NLRP7: variants seen among roughly 807,000 people sequenced by gnomAD.
The protein encoded by NLRP7 is NLR family pyrin domain containing 7.
In NLRP7, 72 loss-of-function variants were observed where a neutral mutation model predicts 85.5. The ratio of observed to expected loss-of-function variants is 0.84; its 90% confidence interval spans 0.70 to 1.02. The LOEUF (loss-of-function observed/expected upper bound fraction) is 1.02, where lower values mean the gene tolerates loss of function less well. NLRP7 is among the 50% of genes least tolerant of loss of function. The pLI is 0.00. For synonymous variants in NLRP7, 550 were observed against 505.2 expected, an observed-to-expected ratio of 1.09 and a Z score of -1.19; for missense variants, 1,243 against 1,219.5, an observed-to-expected ratio of 1.02 and a Z score of -0.29.
intron 1 of NLRP7, among the ~76,000 whole-genome samples, chr19:54,946,814 G>GT (rs899947311): frequency 6.6e-6 from 1 of 151,740 alleles, no homozygotes; most frequent in Non-Finnish European, 1.5e-5. Flanking sequence ...TAATTTTTGT[G>GT]TTTTTAGTAG....
At chr19:54,944,452 T>C (rs1239324439) in intron 1 of NLRP7, among the ~76,000 whole-genome samples, 1 of 152,148 alleles carries the variant, frequency 6.6e-6, no homozygotes, top group Non-Finnish European at 1.5e-5. Context: ...CTCTCCCCAC[T>C]GTTACCCTAT....
At chr19:54,933,548 A>G in intron 8 of NLRP7, 21 bp downstream of exon 8, 1 of 1,613,638 alleles carries the variant, frequency 6.2e-7, no homozygotes, top group Non-Finnish European at 8.5e-7. Context: ...GCACACACAC[A>G]CACACCCAGC....
At chr19:54,945,681 C>T (rs1429244252) in intron 1 of NLRP7, among the ~76,000 whole-genome samples, 1 of 152,104 alleles carries the variant, frequency 6.6e-6, no homozygotes, top group Admixed American at 6.6e-5. Flanking sequence ...TCACTGCAAC[C>T]TCCACCTCCC....
At chr19:54,950,910 C>A (rs1024275002), upstream of NLRP7, among the ~76,000 whole-genome samples, 11 of 152,208 alleles carry the variant, frequency 7.2e-5, no homozygotes, top group African/African-American at 2.7e-4. Flanking sequence ...GGGAGAAACC[C>A]TGGACAATAC....
At chr19:54,962,141 C>T (rs201329131) in intron 1 of NLRP7, among the ~76,000 whole-genome samples, 1 of 130,598 alleles carries the variant, frequency 7.7e-6, no homozygotes, top group Non-Finnish European at 1.6e-5. Flanking sequence ...CCAGCCTGGG[C>T]GACAAGAGCA....
At chr19:54,951,368 G>A (rs1294446509), upstream of NLRP7, among the ~76,000 whole-genome samples, 1 of 151,982 alleles carries the variant, frequency 6.6e-6, no homozygotes, top group Non-Finnish European at 1.5e-5. Flanking sequence ...CCAGCATGGT[G>A]AAACTGCGTC....
At chr19:54,938,751 T>C (rs763529304) in intron 4 of NLRP7, 137 bp downstream of exon 4, 3 of 968,048 alleles carry the variant, frequency 3.1e-6, no homozygotes, top group Non-Finnish European at 4.8e-6. Flanking sequence ...CAATTCCTAA[T>C]TGCCAAGTCG....
chr19:54,955,971 A>G (rs1332205563), intron 1 of NLRP7, among the ~76,000 whole-genome samples: 3 of 135,416 alleles, frequency 2.2e-5, no homozygotes, highest in Admixed American at 2.1e-4. Context: ...TGTCTCAAAA[A>G]TAAATAAATA....
intron 8 of NLRP7, among the ~76,000 whole-genome samples, chr19:54,932,393 A>G (rs1370539546): frequency 6.6e-6 from 1 of 150,732 alleles, no homozygotes; most frequent in Admixed American, 6.7e-5. Context: ...ACACCACTGC[A>G]TTCCAGTCTG....
intron 1 of NLRP7, among the ~76,000 whole-genome samples, chr19:54,958,269 G>A (rs931911299): frequency 3.3e-5 from 5 of 151,390 alleles, no homozygotes; most frequent in Non-Finnish European, 5.9e-5. Flanking sequence ...TTGACACTTA[G>A]GAGAAGTAGG....
intron 9 of NLRP7, among the ~76,000 whole-genome samples, chr19:54,924,114 T>G (rs998182555): frequency 1.3e-5 from 2 of 152,130 alleles, no homozygotes; most frequent in Non-Finnish European, 2.9e-5. Flanking sequence ...ATTACAGGTG[T>G]GCACCACCAC....
intron 2 of NLRP7, 75 bp downstream of exon 2, chr19:54,941,360 C>G: frequency 9.4e-7 from 1 of 1,065,936 alleles, no homozygotes; most frequent in Non-Finnish European, 1.4e-6. Flanking sequence ...CCAGCCTGGG[C>G]GACAGAACGA....
exon 4 of NLRP7, chr19:54,940,167 T>C (rs1449691485): frequency 6.2e-7 from 1 of 1,614,172 alleles, no homozygotes; most frequent in Admixed American, 1.7e-5. Context: ...CAGGGGCCCA[T>C]GCGGCTGAGC....
At chr19:54,923,983 T>G (rs1450717478) in intron 9 of NLRP7, 111 bp from the exon 11 acceptor site, 1 of 1,217,970 alleles carries the variant, frequency 8.2e-7, no homozygotes, top group Non-Finnish European at 1.2e-6. Context: ...TGGGATTTTC[T>G]GGGGGACAGG....
At chr19:54,960,997 A>G (rs970601942) in intron 1 of NLRP7, among the ~76,000 whole-genome samples, 2 of 152,106 alleles carry the variant, frequency 1.3e-5, no homozygotes, top group Non-Finnish European at 2.9e-5. Context: ...TAAAAATGCT[A>G]GAACTGAGTG....
upstream of NLRP7, among the ~76,000 whole-genome samples, chr19:54,950,628 C>T (rs138613439): frequency 7.7e-4 from 117 of 152,204 alleles, no homozygotes; most frequent in African/African-American, 2.8e-3. Flanking sequence ...CAATGCCTTA[C>T]GGAGCAGTAT....
Position 54,929,485 on chromosome 19 carries a change from G to C in NLRP7, c.2810+1014C>G, listed in dbSNP as rs934036312. 3.0e-4 allele frequency among the ~76,000 whole-genome samples: 45 copies of C among 152,156 alleles called. 1 individual carries two copies. The highest frequency in any genetic ancestry group is 9.9e-4 in the African/African-American group (41 of 41,436). On this transcript the variant is annotated intron_variant, in intron 9 of 9. Coordinates refer to ENST00000340844, the Ensembl canonical transcript of NLRP7. Reference sequence around the variant, plus strand: ...GATTGCAGATTCTAGTTGGAAAATAGGTTGCATCCAAGAGATGCAACTGAC... The same window carrying C: ...GATTGCAGATTCTAGTTGGAAAATACGTTGCATCCAAGAGATGCAACTGAC...
At chr19:54,935,407 T>G (rs2068868445) in intron 6 of NLRP7, among the ~76,000 whole-genome samples, 1 of 151,958 alleles carries the variant, frequency 6.6e-6, no homozygotes, top group East Asian at 1.9e-4. Context: ...AATAAAAATT[T>G]TATCCTGGCC....
chr19:54,965,354 G>T (rs2070321795), intron 1 of NLRP7: 1 of 103,498 alleles, frequency 9.7e-6, no homozygotes, highest in Admixed American at 9.0e-5. Context: ...ATCTCCGCCG[G>T]CGAGTAGGGC....
Sources: allele counts gnomAD v4.1 joint callset (sites outside exome capture counted in the v4.1 genomes callset), GRCh38; gene constraint gnomAD v4.1.1; transcripts MANE v1.5; gene names NCBI Gene and HGNC (gene_info 2026-07-23, HGNC 2026-07-21).